Variants in GPC6 observed in about 807,000 individuals in gnomAD.
GPC6 encodes the protein glypican-6.
Under a neutral mutation model 55.2 loss-of-function variants are expected in GPC6, and 14 were observed. The ratio of observed to expected loss-of-function variants is 0.25; its 90% CI spans 0.17 to 0.40. The LOEUF (loss-of-function observed/expected upper bound fraction) is 0.40, where lower values mean the gene tolerates loss of function less well. GPC6 is among the 10% of genes least tolerant of loss of function. The pLI is 1.00. For synonymous variants in GPC6, 278 were observed against 259.6 expected (o/e 1.07, Z -0.68); for missense variants, 641 against 708.5 (o/e 0.90, Z 1.08).
intron 2 of GPC6, among the ~76,000 whole-genome samples, chr13:93,787,087 C>T (rs1291578378): frequency 1.3e-5 from 2 of 152,176 alleles, no homozygotes; most frequent in African/African-American, 4.8e-5. Flanking sequence ...TTTATGTAGC[C>T]ACAAACTGTT....
At chr13:93,225,460 C>T (rs1875738614), upstream of GPC6, among the ~76,000 whole-genome samples, 1 of 151,306 alleles carries the variant, frequency 6.6e-6, no homozygotes, top group Non-Finnish European at 1.5e-5. Context: ...AAGTGTGTTG[C>T]GTTTTCAGAA....
Position 94,054,418 on chromosome 13 carries a change from C to T in GPC6, c.877+26524C>T, listed in dbSNP as rs150829815. ...TGTTAAACCACAAAGCGCTGTGCTC[C>T]GCTGCCAGGGTTTCTAATTCAGTAG... On this transcript the variant is annotated intron_variant, in intron 4 of 8. Transcript: ENST00000377047. 4.0e-3 allele frequency among the ~76,000 whole-genome samples: 614 copies of T among 152,268 alleles called. 4 individuals are homozygous for T. The highest frequency in any genetic ancestry group is 0.014 in the African/African-American group (591 of 41,562).
chr13:93,808,409 G>A (rs910606451), intron 2 of GPC6, among the ~76,000 whole-genome samples: 1 of 152,102 alleles, frequency 6.6e-6, no homozygotes, highest in African/African-American at 2.4e-5. Context: ...TAAATTGTAA[G>A]AATTAGCCTG....
intron 4 of GPC6, among the ~76,000 whole-genome samples, chr13:94,141,798 C>G (rs1215567150): frequency 1.3e-5 from 2 of 152,142 alleles, no homozygotes; most frequent in African/African-American, 4.8e-5. Context: ...AGAATATGCA[C>G]TGAATAACCA....
intron 1 of GPC6, among the ~76,000 whole-genome samples, chr13:93,274,727 G>T (rs757365264): frequency 1.2e-4 from 18 of 152,108 alleles, no homozygotes; most frequent in Non-Finnish European, 1.9e-4. Context: ...TATCAGAATG[G>T]TTTAATGTAT....
intron 1 of GPC6, among the ~76,000 whole-genome samples, chr13:93,443,823 GA>G (rs1877895011): frequency 6.6e-6 from 1 of 152,158 alleles, no homozygotes; most frequent in Non-Finnish European, 1.5e-5. Context: ...GTGTGAACTT[GA>G]TTCTGAAGAC....
At chr13:94,122,611 A>G (rs1393949209) in intron 4 of GPC6, among the ~76,000 whole-genome samples, 1 of 152,224 alleles carries the variant, frequency 6.6e-6, no homozygotes, top group Non-Finnish European at 1.5e-5. Flanking sequence ...ACCACACTGC[A>G]GGATTAAACC....
At chr13:94,384,773 AT>A (rs1028213817) in intron 7 of GPC6, among the ~76,000 whole-genome samples, 5 of 152,012 alleles carry the variant, frequency 3.3e-5, no homozygotes, top group South Asian at 2.1e-4. Flanking sequence ...CTAGCCCAGT[AT>A]TTTTTTTATG....
intron 2 of GPC6, among the ~76,000 whole-genome samples, chr13:93,794,336 G>A (rs1886135920): frequency 6.6e-6 from 1 of 152,168 alleles, no homozygotes; most frequent in Non-Finnish European, 1.5e-5. Context: ...AAATTCTCAG[G>A]TCCCACCACA....
At chr13:93,929,823 G>A (rs764570807) in intron 3 of GPC6, among the ~76,000 whole-genome samples, 7 of 148,968 alleles carry the variant, frequency 4.7e-5, no homozygotes, top group African/African-American at 7.4e-5. Context: ...AAGGAAAGAG[G>A]AACAGAGAGG....
chr13:94,288,736 CAA>C (rs1874684982), intron 5 of GPC6, among the ~76,000 whole-genome samples: 1 of 108,572 alleles, frequency 9.2e-6, no homozygotes, highest in Non-Finnish European at 1.8e-5. Flanking sequence ...ATATATATAA[CAA>C]ATATATATAT....
At chr13:93,343,354 G>T (rs1880325454) in intron 1 of GPC6, among the ~76,000 whole-genome samples, 1 of 152,092 alleles carries the variant, frequency 6.6e-6, no homozygotes, top group African/African-American at 2.4e-5. Context: ...CATCTGTTCA[G>T]CTCTTGGCCA....
chr13:93,367,399 A>G (rs1881290308), intron 1 of GPC6, among the ~76,000 whole-genome samples: 1 of 152,004 alleles, frequency 6.6e-6, no homozygotes, highest in Admixed American at 6.6e-5. Flanking sequence ...CCAAAGATTC[A>G]GCTTTTTGTT....
chr13:93,385,389 TGATAGGCTTTAAGCAGAGGGTGACTTA>T (rs1241841770), intron 1 of GPC6, among the ~76,000 whole-genome samples: 2 of 152,248 alleles, frequency 1.3e-5, no homozygotes, highest in African/African-American at 4.8e-5. Context: ...GGGAAGCCCT[TGATAGGCTTTAAGCAGAGGGTGACTTA>T]ATCTCTGTGA....
intron 3 of GPC6, among the ~76,000 whole-genome samples, chr13:93,971,435 T>G (rs1415741): frequency 0.18 from 27,504 of 152,166 alleles, 2,602 homozygotes; most frequent in East Asian, 0.27. Flanking sequence ...AAATAAAATT[T>G]TGAAATACAA....
At chr13:94,377,007 C>A (rs1430509827) in intron 6 of GPC6, among the ~76,000 whole-genome samples, 1 of 151,736 alleles carries the variant, frequency 6.6e-6, no homozygotes, top group Non-Finnish European at 1.5e-5. Context: ...ATGTAGAAAG[C>A]TGAAACTGGA....
At chr13:94,000,385 CTG>C (rs1264424805) in intron 3 of GPC6, among the ~76,000 whole-genome samples, 4 of 152,232 alleles carry the variant, frequency 2.6e-5, no homozygotes, top group African/African-American at 9.6e-5. Context: ...GGACTTGTGT[CTG>C]TGTGCTAGCA....
At chr13:93,346,859 C>T (rs1257006536) in intron 1 of GPC6, among the ~76,000 whole-genome samples, 1 of 152,032 alleles carries the variant, frequency 6.6e-6, no homozygotes, top group Non-Finnish European at 1.5e-5. Context: ...TACATTTAGT[C>T]ATATAATTTC....
At chr13:93,801,371 C>T (rs1886362854) in intron 2 of GPC6, among the ~76,000 whole-genome samples, 1 of 152,154 alleles carries the variant, frequency 6.6e-6, no homozygotes, top group Non-Finnish European at 1.5e-5. Flanking sequence ...GTAGAATGGT[C>T]ATATCTGCTT....
Sources: allele counts gnomAD v4.1 joint callset (sites outside exome capture counted in the v4.1 genomes callset), GRCh38; gene constraint gnomAD v4.1.1; transcripts MANE v1.5; gene names NCBI Gene and HGNC (gene_info 2026-07-23, HGNC 2026-07-21).